The following MYH9 variants were observed in gnomAD, a reference collection of about 807,000 sequenced individuals.
MYH9 encodes the protein myosin heavy chain 9.
A neutral mutation model predicts 241.9 loss-of-function variants in MYH9; 29 were observed. That is an observed-to-expected ratio of 0.12 (90% CI 0.09 to 0.16). The LOEUF (loss-of-function observed/expected upper bound fraction) is 0.16, where lower values mean the gene tolerates loss of function less well. Among genes scored for constraint, MYH9 ranks in the 10% least tolerant of loss-of-function variants. The pLI is 1.00. For missense variants in MYH9, 1,803 were observed against 2,595.5 expected, an observed-to-expected ratio of 0.69 and a Z score of 6.63; for synonymous variants, 1,047 against 1,062.6, an observed-to-expected ratio of 0.99 and a Z score of 0.29.
In MYH9 at chr22:36,309,352, G is replaced by A. The variant is rs752062396; in HGVS notation, c.1773C>T (p.Pro591=). 6.2e-7 allele frequency: 1 copy of A among 1,614,182 alleles called. No individual in the cohort carries two copies. Among genetic ancestry groups the A allele is most frequent in the East Asian group, 2.2e-5 (1 of 44,884 alleles). The change falls in exon 15 of 41, where the codon CCC becomes CCT. Residue 591 remains proline (P), a synonymous_variant. Transcript: ENST00000216181. ...GCAGTGTGGCGATGTTGTCATTCAG[G>A]GGATCCATGTTCTTCATCAGCCACT... The part of the protein sequence containing the change: ...ADEWLMKNMD[P]LNDNIATLLH...
intron 18 of MYH9, 53 bp downstream of exon 18, chr22:36,304,980 C>T (rs2016945860): frequency 6.3e-7 from 1 of 1,575,688 alleles, no homozygotes; most frequent in Admixed American, 1.7e-5. Context: ...CGTGGGCACT[C>T]CCCAGACAAG....
intron 15 of MYH9, among the ~76,000 whole-genome samples, chr22:36,307,283 G>A (rs764912766): frequency 9.9e-5 from 15 of 152,026 alleles, no homozygotes; most frequent in Admixed American, 2.0e-4. Flanking sequence ...CATGTAAACC[G>A]ACCCTCAAGG....
intron 1 of MYH9, among the ~76,000 whole-genome samples, chr22:36,355,815 G>T (rs1046572298): frequency 1.7e-4 from 26 of 152,046 alleles, no homozygotes; most frequent in Admixed American, 9.2e-4. Flanking sequence ...GAGGTCAAGG[G>T]GGCTACAAGA....
chr22:36,318,984 G>A (rs552450453), intron 10 of MYH9, among the ~76,000 whole-genome samples: 7 of 152,026 alleles, frequency 4.6e-5, no homozygotes, highest in African/African-American at 1.7e-4. Flanking sequence ...GGCTGGTCTC[G>A]AACTCCTGAC....
chr22:36,356,635 A>G (rs1283519820), intron 1 of MYH9, among the ~76,000 whole-genome samples: 1 of 151,640 alleles, frequency 6.6e-6, no homozygotes, highest in Non-Finnish European at 1.5e-5. Flanking sequence ...TGCTATAATA[A>G]TGTAGAATTT....
chr22:36,284,445 C>G lies in MYH9; in HGVS notation c.5550G>C (p.Gln1850His). The G allele has an allele frequency of 6.2e-6, 10 of 1,613,608 alleles. No individual in the cohort carries two copies. Among genetic ancestry groups the G allele is most frequent in the Non-Finnish European group, 8.5e-6 (10 of 1,180,042 alleles). ...TEKKLKDVLL[Q>H]VDDERRNAEQ... is the part of the protein sequence containing the mutation. ...CGGCGTTCCTCCGCTCGTCATCCAC[C>G]TGCAGCAGCACATCCTTCAGCTTCT... The change falls in exon 39 of 41, where the codon CAG becomes CAC. Residue 1850 changes from glutamine to histidine, a missense_variant. This residue lies in a region of MYH9 where 876 missense variants were observed against 1,077.8 expected (regional missense o/e 0.81). Transcript: ENST00000216181.
intron 15 of MYH9, chr22:36,309,006 G>T (rs1009151): frequency 2.6e-6 from 1 of 390,584 alleles, no homozygotes; most frequent in Non-Finnish European, 3.5e-6. Flanking sequence ...GGGGCTGGGA[G>T]CCTGGGCTTC....
At chr22:36,376,868 G>A (rs2018176048) in intron 1 of MYH9, among the ~76,000 whole-genome samples, 1 of 152,162 alleles carries the variant, frequency 6.6e-6, no homozygotes, top group African/African-American at 2.4e-5. Flanking sequence ...TTTGAGACCA[G>A]CCTAGCCAGC....
At chr22:36,384,599 AAAAAAAAAAAAAATATATATAT>A in intron 1 of MYH9, among the ~76,000 whole-genome samples, 1 of 45,142 alleles carries the variant, frequency 2.2e-5, no homozygotes, top group Non-Finnish European at 4.4e-5. Flanking sequence ...AAAAAAAAAA[AAAAAAAAAAAAAATATATATAT>A]ATATATATAT....
chr22:36,310,191 A>T (rs553431595), intron 14 of MYH9, among the ~76,000 whole-genome samples: 1 of 151,094 alleles, frequency 6.6e-6, no homozygotes, highest in South Asian at 2.1e-4. Flanking sequence ...GATCGCTTGA[A>T]CCTGGGAGAC....
In MYH9 at chr22:36,314,136, G is replaced by C. The variant is rs765346971; in HGVS notation, c.1554+9C>G. ...GCAGGTGTGAGGTCAAAGCAAGCCT[G>C]GTACTCACTGGCTTCTCAATGAGGT... is the stretch of plus-strand genomic sequence containing the variant. On this transcript the variant is annotated intron_variant, in intron 13 of 40. Transcript: ENST00000216181. 9 of 1,613,398 alleles carry C rather than the reference G, an allele frequency of 5.6e-6. No homozygotes were observed. In the South Asian group the frequency reaches 9.9e-5, roughly 18 times the overall value.
chr22:36,324,200 G>A (rs1027744925), intron 5 of MYH9, among the ~76,000 whole-genome samples: 2 of 152,260 alleles, frequency 1.3e-5, no homozygotes, highest in Non-Finnish European at 2.9e-5. Context: ...GGGCCAAGTC[G>A]GGAGCAGCCA....
At chr22:36,386,188 T>C (rs759519783) in intron 1 of MYH9, among the ~76,000 whole-genome samples, 1 of 152,128 alleles carries the variant, frequency 6.6e-6, no homozygotes, top group Non-Finnish European at 1.5e-5. Flanking sequence ...TACCTCACGT[T>C]AGACTCATCT....
chr22:36,337,552 T>G (rs756679812), intron 3 of MYH9, among the ~76,000 whole-genome samples: 6 of 151,998 alleles, frequency 3.9e-5, no homozygotes, highest in Non-Finnish European at 8.8e-5. Context: ...CTCCTACAAG[T>G]CCCCAGACAG....
intron 3 of MYH9, among the ~76,000 whole-genome samples, chr22:36,338,593 G>A (rs1035036223): frequency 4.0e-5 from 6 of 151,744 alleles, no homozygotes; most frequent in African/African-American, 1.2e-4. Context: ...GCCGAGGCGG[G>A]TGGATCATGA....
chr22:36,361,359 AG>A (rs1405373292), intron 1 of MYH9, among the ~76,000 whole-genome samples: 4 of 152,034 alleles, frequency 2.6e-5, no homozygotes, highest in Non-Finnish European at 5.9e-5. Flanking sequence ...GCGGGCATGG[AG>A]GGGGGCTCAG....
At chr22:36,294,066 C>A in intron 28 of MYH9, 26 bp downstream of exon 28, 1 of 1,605,214 alleles carries the variant, frequency 6.2e-7, no homozygotes, top group Non-Finnish European at 8.5e-7. Context: ...CCACTGCCCG[C>A]GCCAGGGTCC....
intron 1 of MYH9, among the ~76,000 whole-genome samples, chr22:36,374,370 A>G (rs1236948552): frequency 6.6e-6 from 1 of 152,204 alleles, no homozygotes; most frequent in Non-Finnish European, 1.5e-5. Flanking sequence ...AAATACAAAA[A>G]TTAGCCGGGC....
intron 3 of MYH9, among the ~76,000 whole-genome samples, chr22:36,338,212 C>A (rs547382855): frequency 1.6e-4 from 24 of 151,920 alleles, no homozygotes; most frequent in African/African-American, 4.3e-4. Flanking sequence ...GTTGACCAGA[C>A]TGGTCTCAAA....
Sources: allele counts gnomAD v4.1 joint callset (sites outside exome capture counted in the v4.1 genomes callset), GRCh38; gene constraint gnomAD v4.1.1; regional missense constraint gnomAD v4.1.1; transcripts MANE v1.5; gene names NCBI Gene and HGNC (gene_info 2026-07-23, HGNC 2026-07-21).